Variants in NSUN2 observed in about 807,000 individuals in gnomAD.
The protein encoded by NSUN2 is RNA cytosine C(5)-methyltransferase NSUN2.
NSUN2 carries 63 observed loss-of-function variants against 92.7 expected under a neutral mutation model. The ratio of observed to expected loss-of-function variants is 0.68; its 90% CI spans 0.56 to 0.84. NSUN2 has a LOEUF of 0.84. Among genes scored for constraint, NSUN2 ranks in the 40% least tolerant of loss-of-function variants. The probability of loss-of-function intolerance (pLI) is 0.00; values close to 1 mark genes in which losing one functional copy is unlikely to be tolerated. For missense variants in NSUN2, 989 were observed against 964.9 expected, an observed-to-expected ratio of 1.02 and a Z score of -0.33; for synonymous variants, 356 against 348.3, an observed-to-expected ratio of 1.02 and a Z score of -0.25.
intron 8 of NSUN2, among the ~76,000 whole-genome samples, chr5:6,617,573 G>A (rs942117245): frequency 6.6e-6 from 1 of 151,978 alleles, no homozygotes; most frequent in Non-Finnish European, 1.5e-5. Flanking sequence ...AAAGCCAACC[G>A]AAAAATATTT....
At position 6,604,624 on chromosome 5, in the gene NSUN2, G is replaced by T. The variant is rs1380252962; in HGVS notation, c.1799C>A (p.Ala600Asp). ...AATTACCTCCTGTGCCAGCCGGAAAGCACAGTCAAACTCTTCACCGCTGTT... is the reference window on the plus strand; with the variant it reads ...AATTACCTCCTGTGCCAGCCGGAAATCACAGTCAAACTCTTCACCGCTGTT... The part of the protein sequence containing the change: ...RNNSGEEFDC[A>D]FRLAQEGIYT... The change falls in exon 16 of 19, where the codon GCT becomes GAT. Residue 600 changes from alanine to aspartate, a missense_variant. By Grantham distance (126) the Ala-to-Asp change is moderately radical. Transcript: ENST00000264670. 6.2e-7 allele frequency: 1 copy of T among 1,613,958 alleles called. No homozygotes were observed. The highest frequency in any genetic ancestry group is 8.5e-7 in the Non-Finnish European group (1 of 1,179,966).
intron 9 of NSUN2, among the ~76,000 whole-genome samples, chr5:6,616,362 G>T (rs926388582): frequency 6.6e-6 from 1 of 152,208 alleles, no homozygotes; most frequent in African/African-American, 2.4e-5. Flanking sequence ...CAACACAAGT[G>T]AGCCTCAAGG....
rs1737003060 is a variant in NSUN2, at chr5:6,611,761, T to C, written c.1059A>G (p.Pro353=). 1.9e-6 allele frequency: 3 copies of C among 1,614,106 alleles called. No individual in the cohort carries two copies. Among genetic ancestry groups the C allele is most frequent in the Admixed American group, 1.7e-5 (1 of 60,006 alleles). ...LELADVSNEL[P]GLKWMPGITQ... ...TGATTCCAGGCATCCACTTCAGCCC[T>C]GGCAGTTCATTAGACACATCAGCAA... Residue 353 remains proline (P), a synonymous_variant, in exon 10 of 19, where the codon CCA becomes CCG. Coordinates refer to ENST00000264670, the MANE Select transcript of NSUN2 (RefSeq NM_017755.6).
intron 16 of NSUN2, 36 bp from the exon 17 acceptor site, chr5:6,604,312 T>C (rs750149584): frequency 6.4e-7 from 1 of 1,564,740 alleles, no homozygotes; most frequent in Non-Finnish European, 8.7e-7. Context: ...ACAGATACCA[T>C]GATGTCATTC....
rs1374876045 is a variant in NSUN2 at position 6,629,445 on chromosome 5, G to T, written c.359+2428C>A. Among the ~76,000 whole-genome samples the T allele has an allele frequency of 2.0e-5, 3 of 152,204 alleles. No homozygotes were observed. In the East Asian group the frequency reaches 5.8e-4, roughly 29 times the overall value. On this transcript the variant is annotated intron_variant, in intron 3 of 18. Transcript: ENST00000264670. ...ATGCCCACATGGAGGTGCCTTAAGA[G>T]CACACCTCTTCCCTATAGACACATG...
intron 15 of NSUN2, 162 bp downstream of exon 15, chr5:6,605,111 A>C: frequency 1.1e-6 from 1 of 912,224 alleles, no homozygotes; most frequent in Non-Finnish European, 1.7e-6. Flanking sequence ...GCCCTGTGTC[A>C]GTCAACAGCT....
intron 3 of NSUN2, among the ~76,000 whole-genome samples, chr5:6,627,185 A>G (rs775087084): frequency 3.9e-5 from 6 of 152,238 alleles, no homozygotes; most frequent in Non-Finnish European, 8.8e-5. Context: ...AATCATATTC[A>G]TAAGGCAATT....
At position 6,599,904 on chromosome 5, in the gene NSUN2, G is replaced by A. The variant is rs1560968166; in HGVS notation, c.*22C>T. On this transcript the variant is annotated 3_prime_UTR_variant, in exon 19 of 19. Transcript: ENST00000264670. ...CCAGTTTTGCGTGTGAGGGGTGTGG[G>A]CCCCCGCTGCCTTGGGCCTGCTCAC... 5.0e-6 allele frequency: 8 copies of A among 1,603,416 alleles called. No individual in the cohort carries two copies. Among genetic ancestry groups the A allele is most frequent in the African/African-American group, 1.3e-5 (1 of 74,850 alleles).
At chr5:6,607,437 G>GT in intron 12 of NSUN2, 53 bp from the exon 13 acceptor site, 1 of 1,467,510 alleles carries the variant, frequency 6.8e-7, no homozygotes, top group Non-Finnish European at 9.3e-7. Flanking sequence ...TCTTTGTGCT[G>GT]CTACGAAAAG....
At chr5:6,607,036 A>ACCTT (rs1404857176) in intron 13 of NSUN2, 124 bp from the exon 14 acceptor site, 1 of 967,894 alleles carries the variant, frequency 1.0e-6, no homozygotes, top group African/African-American at 1.6e-5. Flanking sequence ...AGATGTTGAA[A>ACCTT]CCTTCCGGCT....
intron 4 of NSUN2, among the ~76,000 whole-genome samples, chr5:6,625,102 GAA>G (rs57398741): frequency 7.6e-6 from 1 of 132,082 alleles, no homozygotes; most frequent in Non-Finnish European, 1.7e-5. Context: ...TGTGTGGTAA[GAA>G]AAAAAAAAAA....
chr5:6,627,825 T>C (rs1196580692), intron 3 of NSUN2, among the ~76,000 whole-genome samples: 1 of 152,248 alleles, frequency 6.6e-6, no homozygotes, highest in Non-Finnish European at 1.5e-5. Context: ...AAAATGTTTA[T>C]TAAATCTTTG....
rs149244771 is a variant in NSUN2 at position 6,599,958 on chromosome 5, A to G, written c.2272T>C (p.Cys758Arg). The G allele has an allele frequency of 8.1e-4, 1,306 of 1,614,012 alleles. 4 individuals are homozygous for G. Among genetic ancestry groups the G allele is most frequent in the South Asian group, 1.9e-3 (173 of 91,078 alleles). Residue 758 changes from cysteine to arginine, a missense_variant, in exon 19 of 19, where the codon TGT becomes CGT. Transcript: ENST00000264670. The part of the protein sequence containing the change: ...EANSPDVTAG[C>R]DPAGVHPPR The stretch of plus-strand genomic sequence containing the variant: ...GGTGGATGGACCCCCGCCGGGTCAC[A>G]GCCTGCTGTCACGTCTGGACTGTTG...
At chr5:6,625,532 G>A in intron 4 of NSUN2, 32 bp downstream of exon 4, 1 of 1,522,222 alleles carries the variant, frequency 6.6e-7, no homozygotes. Flanking sequence ...ACAGCTTTAA[G>A]GAAACTAGCA....
rs1285924522 is a variant in NSUN2, at chr5:6,620,317, AG to A, written c.623-20del. The A allele has an allele frequency of 6.5e-7, 1 of 1,529,460 alleles. No homozygotes were observed. The highest frequency in any genetic ancestry group is 8.8e-7 in the Non-Finnish European group (1 of 1,135,348). 94.7% of individuals were successfully genotyped at this position (1,529,460 alleles called of 1,614,324 possible). A position where few individuals can be genotyped will look rare whatever the true frequency, so the allele number is the denominator to read the frequency against. On this transcript the variant is annotated intron_variant, in intron 6 of 18. Coordinates refer to ENST00000264670, the MANE Select transcript of NSUN2 (RefSeq NM_017755.6). ...AATCCCTCTGAAGGCACAGAATTGC[AG>A]TGTCAGGTGAAATGGAGCCTAAGTG... is the stretch of plus-strand genomic sequence containing the variant.
At position 6,628,343 on chromosome 5, in the gene NSUN2, C is replaced by CA. The variant is rs796722343; in HGVS notation, c.360-2675dup. ...AACCTGGGCAACAGAGACCTTGTCT[C>CA]AAAAAAAAATATAAGTAAACAGCAC... is the stretch of plus-strand genomic sequence containing the variant. On this transcript the variant is annotated intron_variant, in intron 3 of 18. Coordinates refer to ENST00000264670, the MANE Select transcript of NSUN2 (RefSeq NM_017755.6). 4.0e-4 allele frequency among the ~76,000 whole-genome samples: 60 copies of CA among 150,622 alleles called. 1 individual carries two copies. The highest frequency in any genetic ancestry group is 9.8e-4 in the African/African-American group (40 of 41,006).
chr5:6,632,278 A>C (rs1737948121), intron 2 of NSUN2, among the ~76,000 whole-genome samples: 1 of 152,118 alleles, frequency 6.6e-6, no homozygotes, highest in South Asian at 2.1e-4. Flanking sequence ...GGAGGAGGGG[A>C]GAACCAAGGG....
chr5:6,603,507 C>T (rs1410813614), intron 17 of NSUN2, among the ~76,000 whole-genome samples: 4 of 152,100 alleles, frequency 2.6e-5, no homozygotes, highest in Non-Finnish European at 4.4e-5. Context: ...CTGGCTAACA[C>T]GGTGAAACCC....
At chr5:6,621,144 T>C (rs960825117) in intron 6 of NSUN2, 12 of 152,214 alleles carry the variant, frequency 7.9e-5, no homozygotes, top group Non-Finnish European at 1.8e-4. Flanking sequence ...TGGGTATTTG[T>C]TTCCACTTAA....
Sources: allele counts gnomAD v4.1 joint callset (sites outside exome capture counted in the v4.1 genomes callset), GRCh38; gene constraint gnomAD v4.1.1; transcripts MANE v1.5; gene names NCBI Gene and HGNC (gene_info 2026-07-23, HGNC 2026-07-21).